Variants in KIF20A observed in about 807,000 individuals in gnomAD.
KIF20A encodes kinesin-like protein KIF20A.
KIF20A carries 66 observed loss-of-function variants against 113.0 expected under a neutral mutation model. The ratio of observed to expected loss-of-function variants is 0.58; its 90% CI spans 0.48 to 0.72. The LOEUF is 0.72. Among genes scored for constraint, KIF20A ranks in the 30% least tolerant of loss-of-function variants. The probability of loss-of-function intolerance (pLI) is 0.00; values close to 1 mark genes in which losing one functional copy is unlikely to be tolerated. For synonymous variants in KIF20A, 376 were observed against 402.3 expected, an observed-to-expected ratio of 0.93 and a Z score of 0.78; for missense variants, 927 against 1,077.6, an observed-to-expected ratio of 0.86 and a Z score of 1.96.
rs1554106278 is a variant in KIF20A at position 138,183,019 on chromosome 5, A to AAAT, written c.832+31_832+33dup. ...TGTACCGTGACTGGGCTCTGCCAAA[A>AAAT]AATAGTAGGAACTCACTCCCTGTTC... On this transcript the variant is annotated intron_variant, in intron 7 of 18. Transcript: ENST00000394894. This position sits in a 1 kb window ranked among gnomAD's most constrained non-coding sequence, Gnocchi z 5.2. 2 of 1,613,508 alleles carry AAAT rather than the reference A, an allele frequency of 1.2e-6. No individual in the cohort carries two copies. The highest frequency in any genetic ancestry group is 2.7e-5 in the African/African-American group (2 of 74,910).
chr5:138,182,900 G>A lies in KIF20A; in HGVS notation c.742G>A (p.Glu248Lys), dbSNP rs200525885. Reference protein sequence around the residue: ...STSLKRSVYIESRIGTSTSFD... With the variant: ...STSLKRSVYIKSRIGTSTSFD... ...TTCCTTGAAGAGGAGTGTCTACATC[G>A]AAAGTCGGATAGGTACCAGCACCAG... The change falls in exon 7 of 19, where the codon GAA becomes AAA. Residue 248 changes from glutamate (E) to lysine (K), a missense_variant. Coordinates refer to ENST00000394894, the MANE Select transcript of KIF20A (RefSeq NM_005733.3). 1.5e-5 allele frequency: 25 copies of A among 1,614,152 alleles called. No individual in the cohort carries two copies. The Admixed American group carries it at 2.7e-4, about 17-fold the overall frequency.
chr5:138,187,025 A>G (rs1404021623), intron 18 of KIF20A, 71 bp from the exon 19 acceptor site: 13 of 1,152,306 alleles, frequency 1.1e-5, no homozygotes, highest in Admixed American at 7.5e-5. Context: ...GGTATGTATT[A>G]CCCTTAGCCC....
Position 138,181,488 on chromosome 5 carries a change from G to A in KIF20A, c.232G>A (p.Glu78Lys), listed in dbSNP as rs76413256. ...YLRVRPLLPSELERQEDQGCV... is the reference protein window; with the variant it reads ...YLRVRPLLPSKLERQEDQGCV... ...GAGGGTTAGGCCCTTGTTACCTTCA[G>A]AGTTGGAACGACAGGAAGATCAGGT... Residue 78 changes from glutamate (E) to lysine (K), a missense_variant, in exon 3 of 19, where the codon GAG becomes AAG. Physicochemically the swap from Glu to Lys is moderately conservative, Grantham distance 56. Transcript: ENST00000394894. 197 of 1,614,244 alleles carry A rather than the reference G, an allele frequency of 1.2e-4. 1 individual carries two copies. The East Asian group carries it at 4.4e-3, about 36-fold the overall frequency.
rs780096083 is a variant in KIF20A at position 138,183,422 on chromosome 5, CAA to C, written c.1028-45_1028-44del. 1 of 1,611,062 alleles carries C rather than the reference CAA, an allele frequency of 6.2e-7. No homozygotes were observed. Among genetic ancestry groups the C allele is most frequent in the Non-Finnish European group, 8.5e-7 (1 of 1,177,294 alleles). On this transcript the variant is annotated intron_variant, in intron 8 of 18. Transcript: ENST00000394894. This position sits in a 1 kb window ranked among gnomAD's most constrained non-coding sequence, Gnocchi z 5.2. ...TGGAGGGCAACTGGGGAGAGACTGG[CAA>C]AAGAGTTGGATGTTCCCATCTTACA...
In KIF20A at chr5:138,185,635, G is replaced by A; in HGVS notation, c.2050G>A (p.Ala684Thr). The stretch of plus-strand genomic sequence containing the variant: ...GCGGTCACAAAGGTTGGCAGCTTCT[G>A]CCTCCACCCAGCAGCTTCAGGAGGT... ...LRRSQRLAAS[A>T]STQQLQEVKA... is the part of the protein sequence containing the mutation. Residue 684 changes from alanine (A) to threonine (T), a missense_variant, in exon 16 of 19, where the codon GCC becomes ACC. Ala to Thr is a moderately conservative substitution (Grantham distance 58). Coordinates refer to ENST00000394894, the MANE Select transcript of KIF20A (RefSeq NM_005733.3). 1 of 1,614,178 alleles carries A rather than the reference G, an allele frequency of 6.2e-7. No individual in the cohort carries two copies. Among genetic ancestry groups the A allele is most frequent in the Non-Finnish European group, 8.5e-7 (1 of 1,180,022 alleles).
At position 138,182,337 on chromosome 5, in the gene KIF20A, A is replaced by G; in HGVS notation, c.390A>G (p.Glu130=). 1 of 1,613,828 alleles carries G rather than the reference A, an allele frequency of 6.2e-7. No individual in the cohort carries two copies. The highest frequency in any genetic ancestry group is 2.2e-5 in the East Asian group (1 of 44,884). The change falls in exon 5 of 19, where the codon GAA becomes GAG. Residue 130 remains glutamate (E), a synonymous_variant. Transcript: ENST00000394894. ...RFTFSQIFGP[E]VGQASFFNLT... is the part of the protein sequence containing the mutation. ...TCTCTCTCTAGATCTTTGGGCCAGA[A>G]GTGGGACAGGCATCCTTCTTCAACC...
rs1184340655 is a variant in KIF20A, at chr5:138,185,585, A to G, written c.2000A>G (p.Gln667Arg). The change falls in exon 16 of 19, where the codon CAA (glutamine) becomes CGA (arginine). Residue 667 changes from glutamine to arginine, a missense_variant. Gln to Arg is a conservative substitution (Grantham distance 43). Transcript: ENST00000394894. ...AGACAACAGTCAGTGGCCCATCAGC[A>G]ATCAGGGTCTGAATTGGCCCTACGG... is the stretch of plus-strand genomic sequence containing the variant. ...EARQQSVAHQ[Q>R]SGSELALRRS... 2.5e-6 allele frequency: 4 copies of G among 1,614,098 alleles called. No individual in the cohort carries two copies. The highest frequency in any genetic ancestry group is 3.4e-6 in the Non-Finnish European group (4 of 1,180,042).
chr5:138,184,731 TGGTGCCTTCCA>T, intron 13 of KIF20A, 55 bp downstream of exon 13: 1 of 1,610,384 alleles, frequency 6.2e-7, no homozygotes, highest in Non-Finnish European at 8.5e-7. Flanking sequence ...CATTTTTCCA[TGGTGCCTTCCA>T]GGTGGGCTTG....
At position 138,186,060 on chromosome 5, in the gene KIF20A, C is replaced by T. The variant is rs1325887408; in HGVS notation, c.2217+8C>T. 4 of 1,610,540 alleles carry T rather than the reference C, an allele frequency of 2.5e-6. No individual in the cohort carries two copies. The highest frequency in any genetic ancestry group is 3.4e-6 in the Non-Finnish European group (4 of 1,177,030). On this transcript the variant is annotated splice_region_variant and intron_variant, in intron 17 of 18. Transcript: ENST00000394894. The stretch of plus-strand genomic sequence containing the variant: ...TTAGAAGAGGGCCAGAAGGTAATTA[C>T]CACCATTCTCTGTTTACCAAACTCT...
chr5:138,186,768 T>C (rs144891355), intron 18 of KIF20A, among the ~76,000 whole-genome samples: 4 of 152,312 alleles, frequency 2.6e-5, no homozygotes, highest in African/African-American at 7.2e-5. Context: ...GCATCCTGAT[T>C]CCAAAGAGAT....
chr5:138,181,649 A>C lies in KIF20A; in HGVS notation c.296A>C (p.Gln99Pro), dbSNP rs1754663188. Residue 99 changes from glutamine (Q) to proline (P), a missense_variant, in exon 4 of 19, where the codon CAA (glutamine) becomes CCA (proline). Transcript: ENST00000394894. Reference sequence around the variant, plus strand: ...GAGAATGTGGAGACCCTTGTTCTACAAGCACCCAAGGACTCTTTTGCCCTG... The same window carrying C: ...GAGAATGTGGAGACCCTTGTTCTACCAGCACCCAAGGACTCTTTTGCCCTG... Reference protein sequence around the residue: ...RIENVETLVLQAPKDSFALKS... With the variant: ...RIENVETLVLPAPKDSFALKS... 1 of 1,614,070 alleles carries C rather than the reference A, an allele frequency of 6.2e-7. No homozygotes were observed. The highest frequency in any genetic ancestry group is 8.5e-7 in the Non-Finnish European group (1 of 1,180,028).
At chr5:138,185,845 A>G (rs1754735113) in intron 16 of KIF20A, 116 bp from the exon 17 acceptor site, 1 of 1,293,790 alleles carries the variant, frequency 7.7e-7, no homozygotes, top group African/African-American at 1.5e-5. Flanking sequence ...TCAATCTAGG[A>G]TACACATAGC....
chr5:138,183,589 G>C lies in KIF20A; in HGVS notation c.1139+8G>C. 1 of 1,612,832 alleles carries C rather than the reference G, an allele frequency of 6.2e-7. No homozygotes were observed. The highest frequency in any genetic ancestry group is 1.1e-5 in the South Asian group (1 of 91,066). On this transcript the variant is annotated splice_region_variant and intron_variant, in intron 9 of 18. Coordinates refer to ENST00000394894, the MANE Select transcript of KIF20A (RefSeq NM_005733.3). This position sits in a 1 kb window ranked among gnomAD's most constrained non-coding sequence, Gnocchi z 5.2. ...CCAGAACTCCAGCCGCAGGTGAGTAGATTGTAAGAATAAACTCTTCACTGT... is the reference window on the plus strand; with the variant it reads ...CCAGAACTCCAGCCGCAGGTGAGTACATTGTAAGAATAAACTCTTCACTGT...
rs148948773 is a variant in KIF20A, at chr5:138,183,735, A to C, written c.1187A>C (p.Asp396Ala). ...ATCCTACACCTTCAGGGGGAAGGAGATATAGTCCCCAAGATCAGCGAGTAA... is the reference window on the plus strand; with the variant it reads ...ATCCTACACCTTCAGGGGGAAGGAGCTATAGTCCCCAAGATCAGCGAGTAA... ...IRILHLQGEG[D>A]IVPKISELSL... The change falls in exon 10 of 19, where the codon GAT becomes GCT. Residue 396 changes from aspartate to alanine, a missense_variant. By Grantham distance (126) the Asp-to-Ala change is moderately radical. Transcript: ENST00000394894. The surrounding 1 kb of genome is among the most constrained non-coding windows in gnomAD (Gnocchi z 5.2). 48 of 1,613,538 alleles carry C rather than the reference A, an allele frequency of 3.0e-5. No homozygotes were observed. The highest frequency in any genetic ancestry group is 3.7e-5 in the Non-Finnish European group (44 of 1,179,702).
rs1754764012 is a variant in KIF20A at position 138,187,366 on chromosome 5, C to T, written c.2626C>T (p.Arg876Trp). Residue 876 changes from arginine to tryptophan, a missense_variant, in exon 19 of 19, where the codon CGG becomes TGG. Coordinates refer to ENST00000394894, the MANE Select transcript of KIF20A (RefSeq NM_005733.3). ...CCCTTATGCCCGGATCCTACGCTCACGGCGTTCCCCTTTACTCAAATCTGG... is the reference window on the plus strand; with the variant it reads ...CCCTTATGCCCGGATCCTACGCTCATGGCGTTCCCCTTTACTCAAATCTGG... ...CSPYARILRS[R>W]RSPLLKSGPF... 7 of 1,614,184 alleles carry T rather than the reference C, an allele frequency of 4.3e-6. No homozygotes were observed. The highest frequency in any genetic ancestry group is 2.2e-5 in the East Asian group (1 of 44,890).
intron 3 of KIF20A, 39 bp downstream of exon 3, chr5:138,181,550 G>C (rs775476412): frequency 6.2e-7 from 1 of 1,613,968 alleles, no homozygotes; most frequent in South Asian, 1.1e-5. Flanking sequence ...GTGAAATGAT[G>C]CAGTACAAAA....
intron 17 of KIF20A, 27 bp from the exon 18 acceptor site, chr5:138,186,267 A>G (rs371172270): frequency 9.5e-6 from 15 of 1,580,568 alleles, no homozygotes; most frequent in Admixed American, 2.0e-5. Flanking sequence ...CTTGGCCACA[A>G]TATGATTCCT....
Position 138,181,494 on chromosome 5 carries a change from G to T in KIF20A, c.238G>T (p.Glu80Ter). The T allele has an allele frequency of 6.2e-7, 1 of 1,614,200 alleles. No homozygotes were observed. The highest frequency in any genetic ancestry group is 8.5e-7 in the Non-Finnish European group (1 of 1,180,018). The part of the protein sequence containing the change: ...RVRPLLPSEL[E>*]RQEDQGCVRI... Reference sequence around the variant, plus strand: ...TAGGCCCTTGTTACCTTCAGAGTTGGAACGACAGGAAGATCAGGTAAGTGT... The same window carrying T: ...TAGGCCCTTGTTACCTTCAGAGTTGTAACGACAGGAAGATCAGGTAAGTGT... The change falls in exon 3 of 19, where the codon GAA (glutamate) becomes TAA (stop). Residue 80 changes from glutamate (E) to a stop codon, truncating the protein, a stop_gained. Transcript: ENST00000394894. LOFTEE classifies it high-confidence loss of function.
At chr5:138,185,736 A>G (rs371166681) in intron 16 of KIF20A, 26 bp downstream of exon 16, 21 of 1,610,772 alleles carry the variant, frequency 1.3e-5, no homozygotes, top group African/African-American at 2.7e-5. Flanking sequence ...GGCAGGAAAC[A>G]TAACAGTGGT....
Sources: allele counts gnomAD v4.1 joint callset (sites outside exome capture counted in the v4.1 genomes callset), GRCh38; gene constraint gnomAD v4.1.1; non-coding constraint Gnocchi (gnomAD v3.1); transcripts MANE v1.5; gene names NCBI Gene and HGNC (gene_info 2026-07-23, HGNC 2026-07-21).